MAML3: variants seen among roughly 807,000 people sequenced by gnomAD.
MAML3 encodes mastermind-like protein 3.
In MAML3, 27 loss-of-function variants were observed where a neutral mutation model predicts 101.9. The ratio of observed to expected loss-of-function variants is 0.27; its 90% CI spans 0.20 to 0.37. The LOEUF is 0.37. Among genes scored for constraint, MAML3 ranks in the 10% least tolerant of loss-of-function variants. The probability of loss-of-function intolerance (pLI) is 1.00; values close to 1 mark genes in which losing one functional copy is unlikely to be tolerated. For missense variants in MAML3, 1,316 were observed against 1,444.9 expected, an observed-to-expected ratio of 0.91 and a Z score of 1.45; for synonymous variants, 501 against 555.9, an observed-to-expected ratio of 0.90 and a Z score of 1.39.
intron 2 of MAML3, among the ~76,000 whole-genome samples, chr4:139,875,829 G>A (rs1282143901): frequency 1.3e-5 from 2 of 150,430 alleles, no homozygotes; most frequent in African/African-American, 4.9e-5. Context: ...CAGGCGGAGG[G>A]CACTGGAAAG....
intron 1 of MAML3, among the ~76,000 whole-genome samples, chr4:139,991,426 T>G (rs1210956345): frequency 1.3e-5 from 2 of 152,098 alleles, no homozygotes; most frequent in Non-Finnish European, 2.9e-5. Context: ...GACTTAAACA[T>G]TAGACCTAAA....
chr4:139,884,251 T>A (rs139130409), intron 2 of MAML3, among the ~76,000 whole-genome samples: 31 of 152,338 alleles, frequency 2.0e-4, no homozygotes, highest in African/African-American at 7.2e-4. Context: ...GCAGCTCTGT[T>A]CTTTCTCTGG....
chr4:139,816,087 G>T (rs919081239), intron 2 of MAML3, among the ~76,000 whole-genome samples: 1 of 152,100 alleles, frequency 6.6e-6, no homozygotes, highest in Admixed American at 6.5e-5. Flanking sequence ...GGAAGAGAGG[G>T]GAGTGCGAAG....
At chr4:139,726,410 C>T (rs1317070577) in intron 3 of MAML3, among the ~76,000 whole-genome samples, 1 of 152,066 alleles carries the variant, frequency 6.6e-6, no homozygotes, top group Non-Finnish European at 1.5e-5. Context: ...CTGTACATGC[C>T]TTTGGTGAAC....
rs28584313 is a variant in MAML3 at position 139,960,235 on chromosome 4, A to G, written c.469-69268T>C. Among the ~76,000 whole-genome samples, 1,053 of 152,360 alleles carry G rather than the reference A, an allele frequency of 6.9e-3. 11 individuals carry two copies. Among genetic ancestry groups the G allele is most frequent in the African/African-American group, 0.023 (963 of 41,580 alleles). ...ATAAGAATCTTGCTTGGATCATCTC[A>G]ATAGAAAATTCTCGAATTTCATTGT... On this transcript the variant is annotated intron_variant, in intron 1 of 4. Transcript: ENST00000509479.
chr4:139,901,804 G>A (rs1459674361), intron 1 of MAML3, among the ~76,000 whole-genome samples: 1 of 152,190 alleles, frequency 6.6e-6, no homozygotes, highest in Admixed American at 6.5e-5. Context: ...CAGGGAGGCT[G>A]AGTATTTTTC....
intron 1 of MAML3, among the ~76,000 whole-genome samples, chr4:140,047,214 G>C (rs1481697869): frequency 2.0e-5 from 3 of 152,172 alleles, no homozygotes; most frequent in Admixed American, 2.0e-4. Flanking sequence ...CAGGTATCCA[G>C]AGCGATGTCA....
At position 139,814,674 on chromosome 4, in the gene MAML3, C is replaced by G. The variant is rs1199109795; in HGVS notation, c.2079+74683G>C. 2.0e-5 allele frequency among the ~76,000 whole-genome samples: 3 copies of G among 152,178 alleles called. No homozygotes were observed. The East Asian group carries it at 5.8e-4, about 29-fold the overall frequency. On this transcript the variant is annotated intron_variant, in intron 2 of 4. Transcript: ENST00000509479. The stretch of plus-strand genomic sequence containing the variant: ...CTGAAAGGTGGGTAACACCCTCCCC[C>G]CACCACCAAGACTTGGTAGGCAATG...
chr4:140,000,395 T>C (rs1734900735), intron 1 of MAML3, among the ~76,000 whole-genome samples: 1 of 151,356 alleles, frequency 6.6e-6, no homozygotes, highest in Admixed American at 6.6e-5. Flanking sequence ...AAAAAGAGCT[T>C]TGCCATCATC....
intron 1 of MAML3, among the ~76,000 whole-genome samples, chr4:139,911,227 T>TC (rs2111223748): frequency 6.6e-6 from 1 of 152,200 alleles, no homozygotes; most frequent in Non-Finnish European, 1.5e-5. Context: ...AATTTCCTTT[T>TC]TTTTTTTTGC....
At chr4:140,097,786 C>T (rs1189713331) in intron 1 of MAML3, among the ~76,000 whole-genome samples, 2 of 152,188 alleles carry the variant, frequency 1.3e-5, no homozygotes, top group Non-Finnish European at 2.9e-5. Flanking sequence ...TTCGTGGTGA[C>T]AAGAGGGAAG....
Position 139,785,446 on chromosome 4 carries a change from T to G in MAML3, c.2080-54779A>C, listed in dbSNP as rs567121805. On this transcript the variant is annotated intron_variant, in intron 2 of 4. Coordinates refer to ENST00000509479, the MANE Select transcript of MAML3 (RefSeq NM_018717.5). This position sits in a 1 kb window ranked among gnomAD's most constrained non-coding sequence, Gnocchi z 4.3. ...GCTTGCTCTGGGATCAGAGTGTTCT[T>G]GATGAGTGAATTGGGCAGTAAACAC... Among the ~76,000 whole-genome samples, 1 of 152,306 alleles carries G rather than the reference T, an allele frequency of 6.6e-6. No individual in the cohort carries two copies. Among genetic ancestry groups the G allele is most frequent in the East Asian group, 1.9e-4 (1 of 5,184 alleles).
intron 1 of MAML3, among the ~76,000 whole-genome samples, chr4:140,137,087 C>G (rs909262111): frequency 2.0e-5 from 3 of 152,260 alleles, no homozygotes; most frequent in African/African-American, 7.2e-5. Context: ...CTCCCGGGTT[C>G]ACGCCATTCT....
intron 2 of MAML3, among the ~76,000 whole-genome samples, chr4:139,768,147 T>C (rs1729900833): frequency 6.6e-6 from 1 of 152,032 alleles, no homozygotes; most frequent in Admixed American, 6.6e-5. Flanking sequence ...TTTTGGATAT[T>C]AGTCCTTTCA....
intron 1 of MAML3, among the ~76,000 whole-genome samples, chr4:140,039,229 A>AT (rs1338233159): frequency 6.6e-6 from 1 of 152,208 alleles, no homozygotes; most frequent in African/African-American, 2.4e-5. Flanking sequence ...GTAAATTCAA[A>AT]GGGGAGAACC....
chr4:140,038,938 T>C (rs1196685734), intron 1 of MAML3, among the ~76,000 whole-genome samples: 1 of 152,070 alleles, frequency 6.6e-6, no homozygotes, highest in Non-Finnish European at 1.5e-5. Flanking sequence ...GAGACCATCC[T>C]GGCTAACACG....
chr4:139,897,090 T>C (rs891304076), intron 1 of MAML3, among the ~76,000 whole-genome samples: 1 of 152,202 alleles, frequency 6.6e-6, no homozygotes, highest in African/African-American at 2.4e-5. Context: ...GTCCCTGATT[T>C]TGCACGAAGT....
At chr4:140,118,896 A>G (rs1339927007) in intron 1 of MAML3, among the ~76,000 whole-genome samples, 1 of 152,200 alleles carries the variant, frequency 6.6e-6, no homozygotes, top group Admixed American at 6.5e-5. Flanking sequence ...CTCTGACGGC[A>G]CACACAGAAT....
chr4:140,058,962 G>A (rs939225901), intron 1 of MAML3, among the ~76,000 whole-genome samples: 15 of 152,166 alleles, frequency 9.9e-5, no homozygotes, highest in South Asian at 2.1e-4. Context: ...TATATAAAAC[G>A]CCGGTAATGG....
Sources: gnomAD v4.1 joint callset for allele counts (sites outside exome capture counted in the v4.1 genomes callset) on GRCh38, gnomAD v4.1.1 for gene constraint, Gnocchi (gnomAD v3.1) non-coding constraint, MANE v1.5 for transcripts, NCBI Gene and HGNC (gene_info 2026-07-23, HGNC 2026-07-21) for gene names.